Variants in PRELID2 observed in about 807,000 individuals in gnomAD.
The protein encoded by PRELID2 is PRELI domain-containing protein 2.
Under a neutral mutation model 28.4 loss-of-function variants are expected in PRELID2, and 25 were observed. The ratio of observed to expected loss-of-function variants is 0.88; its 90% confidence interval spans 0.64 to 1.23. The LOEUF is 1.23. Among genes scored for constraint, PRELID2 ranks in the 50% most tolerant of loss-of-function variants. The probability of loss-of-function intolerance (pLI) is 0.00; values close to 1 mark genes in which losing one functional copy is unlikely to be tolerated. For synonymous variants in PRELID2, 76 were observed against 71.6 expected (o/e 1.06, Z -0.31); for missense variants, 201 against 214.4 (o/e 0.94, Z 0.39).
chr5:145,422,828 T>G, the PRELID2 span, among the ~76,000 whole-genome samples: 1 of 152,206 alleles, frequency 6.6e-6, no homozygotes, highest in Middle Eastern at 3.4e-3. Context: ...TTCTTCCTAG[T>G]CTCGATGGTC....
At chr5:145,743,434 A>G (rs888386897) in intron 1 of PRELID2, among the ~76,000 whole-genome samples, 2 of 151,390 alleles carry the variant, frequency 1.3e-5, no homozygotes, top group African/African-American at 4.9e-5. Flanking sequence ...AAAAAAAGAA[A>G]GAAAAAGAGA....
chr5:145,301,930 C>CTTTTTTTTTT, the PRELID2 span, among the ~76,000 whole-genome samples: 8 of 110,168 alleles, frequency 7.3e-5, no homozygotes, highest in South Asian at 3.1e-4. Context: ...TTATTCATTT[C>CTTTTTTTTTT]TTTTTTTTTT....
intron 1 of PRELID2, among the ~76,000 whole-genome samples, chr5:145,607,931 A>G (rs62394194): frequency 0.19 from 29,163 of 151,910 alleles, 4,936 homozygotes; most frequent in African/African-American, 0.45. Context: ...TGTTCCCTGT[A>G]TTGGGTGCAT....
rs182494962 is a variant in PRELID2, at chr5:145,653,277, T to C, written n.70+111654A>G. ...AGTCCTTAGAGACCTACAAAGAGACTTAGACTCCCACACAATAATAATGGG... is the reference window on the plus strand; with the variant it reads ...AGTCCTTAGAGACCTACAAAGAGACCTAGACTCCCACACAATAATAATGGG... On this transcript the variant is annotated intron_variant and non_coding_transcript_variant, in intron 1 of 2. Coordinates refer to the PRELID2 transcript ENST00000510259. Among the ~76,000 whole-genome samples the C allele has an allele frequency of 3.3e-3, 500 of 152,288 alleles. 1 individual carries two copies. Among genetic ancestry groups the C allele is most frequent in the Non-Finnish European group, 5.2e-3 (352 of 68,022 alleles).
At chr5:145,523,902 C>T (rs1208319283) in intron 1 of PRELID2, among the ~76,000 whole-genome samples, 2 of 152,174 alleles carry the variant, frequency 1.3e-5, no homozygotes, top group African/African-American at 4.8e-5. Context: ...CTAGTTTGCA[C>T]ATGCAGATGA....
the PRELID2 span, among the ~76,000 whole-genome samples, chr5:145,360,982 T>A: frequency 2.6e-5 from 4 of 152,188 alleles, no homozygotes; most frequent in Non-Finnish European, 4.4e-5. Flanking sequence ...TGATTCTACC[T>A]CAGTCCTCTC....
chr5:145,585,484 ATAGT>A (rs1290827445), intron 1 of PRELID2, among the ~76,000 whole-genome samples: 2 of 152,182 alleles, frequency 1.3e-5, no homozygotes, highest in African/African-American at 4.8e-5. Context: ...ACAATAATTA[ATAGT>A]TAATTTTATA....
chr5:145,394,699 C>T, the PRELID2 span, among the ~76,000 whole-genome samples: 1 of 152,140 alleles, frequency 6.6e-6, no homozygotes, highest in African/African-American at 2.4e-5. Flanking sequence ...CCCATTTGAA[C>T]CTGTAAATAA....
At chr5:145,676,978 T>G (rs561615315) in intron 1 of PRELID2, among the ~76,000 whole-genome samples, 2 of 152,068 alleles carry the variant, frequency 1.3e-5, no homozygotes, top group African/African-American at 2.4e-5. Flanking sequence ...ATGAGTCTTA[T>G]TTTCATTAGA....
chr5:145,740,711 T>C (rs1420546961), intron 1 of PRELID2, among the ~76,000 whole-genome samples: 3 of 119,872 alleles, frequency 2.5e-5, no homozygotes, highest in Non-Finnish European at 4.8e-5. Flanking sequence ...TTAAATATAA[T>C]ATAAATATAT....
intron 1 of PRELID2, among the ~76,000 whole-genome samples, chr5:145,562,614 T>G (rs1396316372): frequency 2.0e-5 from 3 of 152,342 alleles, no homozygotes; most frequent in Admixed American, 1.3e-4. Context: ...TAAAGATAGA[T>G]TCTGTTAAAA....
chr5:145,741,178 T>C (rs1366542935), intron 1 of PRELID2, among the ~76,000 whole-genome samples: 2 of 106,036 alleles, frequency 1.9e-5, no homozygotes, highest in Non-Finnish European at 3.4e-5. Context: ...ATATTTTATT[T>C]ATATATAATA....
At chr5:145,740,743 ATATAT>A (rs796505739) in intron 1 of PRELID2, among the ~76,000 whole-genome samples, 4,162 of 117,670 alleles carry the variant, frequency 0.035, 163 homozygotes, top group African/African-American at 0.08. Flanking sequence ...TTATATATAA[ATATAT>A]TATATATTTA....
At chr5:145,784,080 G>T (rs370725854) in intron 5 of PRELID2, among the ~76,000 whole-genome samples, 1 of 152,060 alleles carries the variant, frequency 6.6e-6, no homozygotes, top group Non-Finnish European at 1.5e-5. Flanking sequence ...CCACAGGTCC[G>T]ATACCAGCCT....
At chr5:145,301,530 T>C in the PRELID2 span, among the ~76,000 whole-genome samples, 295 of 152,266 alleles carry the variant, frequency 1.9e-3, 2 homozygotes, top group Middle Eastern at 0.01. Flanking sequence ...ATCAGGTTTT[T>C]ATTCTTTTAT....
chr5:145,785,111 T>C (rs1199109313), intron 5 of PRELID2, among the ~76,000 whole-genome samples: 1 of 152,196 alleles, frequency 6.6e-6, no homozygotes, highest in Non-Finnish European at 1.5e-5. Flanking sequence ...AAGCTGACAA[T>C]GATTGAGGTT....
chr5:145,341,069 C>A, the PRELID2 span, among the ~76,000 whole-genome samples: 1 of 151,660 alleles, frequency 6.6e-6, no homozygotes, highest in Non-Finnish European at 1.5e-5. Flanking sequence ...AAGCACCCTA[C>A]CTAACCAGCA....
At chr5:145,508,703 A>G (rs570941287) in intron 1 of PRELID2, among the ~76,000 whole-genome samples, 1 of 152,308 alleles carries the variant, frequency 6.6e-6, no homozygotes, top group African/African-American at 2.4e-5. Flanking sequence ...GACAGGATAC[A>G]CATTCTTACT....
chr5:145,394,981 A>G, the PRELID2 span, among the ~76,000 whole-genome samples: 1 of 151,914 alleles, frequency 6.6e-6, no homozygotes, highest in East Asian at 1.9e-4. Flanking sequence ...TCTCATCTTA[A>G]TTTTTTCTCC....
Sources: allele counts gnomAD v4.1 joint callset (sites outside exome capture counted in the v4.1 genomes callset), GRCh38; gene constraint gnomAD v4.1.1; transcripts MANE v1.5; gene names NCBI Gene and HGNC (gene_info 2026-07-23, HGNC 2026-07-21).